The following TLK1 variants were observed in gnomAD, a reference collection of about 807,000 sequenced individuals.
TLK1 encodes serine/threonine-protein kinase tousled-like 1.
Under a neutral mutation model 105.3 loss-of-function variants are expected in TLK1, and 24 were observed. The ratio of observed to expected loss-of-function variants is 0.23; its 90% confidence interval spans 0.17 to 0.32. TLK1 has a LOEUF of 0.32. Ranked by LOEUF, TLK1 falls within the 10% of genes least tolerant of loss-of-function variation. TLK1 has a pLI of 1.00. For missense variants in TLK1, 558 were observed against 910.5 expected (o/e 0.61, Z 4.98); for synonymous variants, 321 against 310.4 (o/e 1.03, Z -0.36).
chr2:171,000,286 G>A (rs1322336128), intron 18 of TLK1, among the ~76,000 whole-genome samples: 1 of 150,990 alleles, frequency 6.6e-6, no homozygotes, highest in Non-Finnish European at 1.5e-5. Flanking sequence ...GCTGAGGCAG[G>A]AGAAATCGCT....
At chr2:171,041,107 C>A (rs190453485) in intron 11 of TLK1, among the ~76,000 whole-genome samples, 1 of 152,210 alleles carries the variant, frequency 6.6e-6, no homozygotes, top group Admixed American at 6.5e-5. Context: ...TAAGTGTCAA[C>A]AGACTTTATC....
At chr2:171,136,549 C>CA in intron 1 of TLK1, among the ~76,000 whole-genome samples, 1 of 151,376 alleles carries the variant, frequency 6.6e-6, no homozygotes, top group South Asian at 2.1e-4. Flanking sequence ...GACGCTGTCT[C>CA]AAAAAAGGAC....
At chr2:171,080,031 A>T (rs10930454) in intron 3 of TLK1, among the ~76,000 whole-genome samples, 141,639 of 150,358 alleles carry the variant, frequency 0.94, 66,698 homozygotes, top group Middle Eastern at 0.99. Context: ...AATTTTTTTT[A>T]AAAAAAAAGT....
At chr2:171,115,000 A>C (rs150620337) in intron 2 of TLK1, among the ~76,000 whole-genome samples, 2 of 152,178 alleles carry the variant, frequency 1.3e-5, no homozygotes, top group Non-Finnish European at 2.9e-5. Context: ...GTGTTATCTT[A>C]AACTCCTAAG....
At chr2:171,166,796 G>A (rs982679045) in intron 1 of TLK1, among the ~76,000 whole-genome samples, 6 of 152,166 alleles carry the variant, frequency 3.9e-5, no homozygotes, top group African/African-American at 1.4e-4. Flanking sequence ...ACTACTGTTT[G>A]TAGTAGTCAA....
intron 12 of TLK1, among the ~76,000 whole-genome samples, chr2:171,021,433 C>CTTTTTTTTT (rs531522490): frequency 3.4e-5 from 4 of 116,842 alleles, no homozygotes; most frequent in African/African-American, 1.0e-4. Flanking sequence ...CCCGCCCCGA[C>CTTTTTTTTT]TTTTTTTTTT....
At chr2:171,127,213 G>A (rs1690904107) in intron 1 of TLK1, among the ~76,000 whole-genome samples, 1 of 149,996 alleles carries the variant, frequency 6.7e-6, no homozygotes, top group Non-Finnish European at 1.5e-5. Context: ...GGAGGCGGAG[G>A]TTGCAGTGAG....
rs747391375 is a variant in TLK1, at chr2:170,996,763, TA to T, written c.2017-4del. On this transcript the variant is annotated splice_region_variant and splice_polypyrimidine_tract_variant and intron_variant, in intron 19 of 20. Coordinates refer to ENST00000431350, the MANE Select transcript of TLK1 (RefSeq NM_012290.5). ...TGAGATTGATTGTGACCAAATGGCT[TA>T]AAAAAAAAATTAAATGTTGAGATAC... is the stretch of plus-strand genomic sequence containing the variant. 997 of 1,515,792 alleles carry T rather than the reference TA, an allele frequency of 6.6e-4. No individual in the cohort carries two copies. Among genetic ancestry groups the T allele is most frequent in the South Asian group, 1.2e-3 (93 of 80,428 alleles). The allele number at this position is 1,515,792 out of a possible 1,614,324, so 93.9% of individuals were successfully genotyped here.
intron 3 of TLK1, among the ~76,000 whole-genome samples, chr2:171,067,999 T>A (rs1416681105): frequency 6.6e-6 from 1 of 152,104 alleles, no homozygotes; most frequent in Non-Finnish European, 1.5e-5. Context: ...AATACAACAC[T>A]TTTAATCAGA....
At chr2:171,130,095 C>T (rs1691038483) in intron 1 of TLK1, among the ~76,000 whole-genome samples, 2 of 152,112 alleles carry the variant, frequency 1.3e-5, no homozygotes, top group African/African-American at 4.8e-5. Context: ...CGTAGTGACC[C>T]GATTATTATA....
intron 11 of TLK1, among the ~76,000 whole-genome samples, chr2:171,032,332 T>C (rs1686085913): frequency 6.6e-6 from 1 of 152,090 alleles, no homozygotes; most frequent in Non-Finnish European, 1.5e-5. Context: ...TGCCTCTATA[T>C]TTAGAAAATC....
At chr2:171,134,787 G>T (rs1691241472) in intron 1 of TLK1, among the ~76,000 whole-genome samples, 1 of 140,126 alleles carries the variant, frequency 7.1e-6, no homozygotes, top group African/African-American at 2.7e-5. Context: ...CTGGCGAGCA[G>T]TAGTGCCATC....
chr2:171,077,957 G>T (rs1192813005), intron 3 of TLK1, among the ~76,000 whole-genome samples: 1 of 152,060 alleles, frequency 6.6e-6, no homozygotes, highest in Non-Finnish European at 1.5e-5. Flanking sequence ...AATCGCAGGG[G>T]ACCCCTAGAA....
chr2:171,193,209 T>A (rs903459301), intron 1 of TLK1, among the ~76,000 whole-genome samples: 3 of 152,046 alleles, frequency 2.0e-5, no homozygotes, highest in Admixed American at 2.0e-4. Flanking sequence ...ATCAAATACA[T>A]GAGGCCAACA....
At chr2:171,174,420 G>A (rs981834388) in intron 1 of TLK1, among the ~76,000 whole-genome samples, 3 of 152,148 alleles carry the variant, frequency 2.0e-5, no homozygotes, top group East Asian at 3.9e-4. Flanking sequence ...TGTAATCATG[G>A]GGTACACTAA....
At chr2:171,154,680 T>C (rs1280375338) in intron 1 of TLK1, among the ~76,000 whole-genome samples, 1 of 152,226 alleles carries the variant, frequency 6.6e-6, no homozygotes, top group East Asian at 1.9e-4. Flanking sequence ...CCCTATACCA[T>C]ACTGCTTCTA....
chr2:171,173,594 G>A (rs938437649), intron 1 of TLK1, among the ~76,000 whole-genome samples: 2 of 151,860 alleles, frequency 1.3e-5, no homozygotes, highest in Non-Finnish European at 2.9e-5. Flanking sequence ...GTCTCACTAT[G>A]TTGCCCAGGC....
At chr2:171,180,823 CTTTTTTTT>C (rs57223904) in intron 1 of TLK1, among the ~76,000 whole-genome samples, 1 of 123,152 alleles carries the variant, frequency 8.1e-6, no homozygotes, top group African/African-American at 2.8e-5. Flanking sequence ...TAAGAGGATG[CTTTTTTTT>C]TTTTTTTTTT....
chr2:171,180,023 G>A (rs117361774), intron 1 of TLK1, among the ~76,000 whole-genome samples: 6,754 of 151,328 alleles, frequency 0.045, 437 homozygotes, highest in East Asian at 0.29. Flanking sequence ...GGAACCTGGG[G>A]GCCAGAAGTT....
Sources: gnomAD v4.1 joint callset for allele counts (sites outside exome capture counted in the v4.1 genomes callset) on GRCh38, gnomAD v4.1.1 for gene constraint, MANE v1.5 for transcripts, NCBI Gene and HGNC (gene_info 2026-07-23, HGNC 2026-07-21) for gene names.